DIPK1A: variants seen among roughly 807,000 people sequenced by gnomAD.
The protein encoded by DIPK1A is family with sequence similarity 69 member A.
A neutral mutation model predicts 40.8 loss-of-function variants in DIPK1A; 27 were observed. The ratio of observed to expected loss-of-function variants is 0.66; its 90% CI spans 0.49 to 0.91. The LOEUF is 0.91. Ranked by LOEUF, DIPK1A falls within the 40% of genes least tolerant of loss-of-function variation. The pLI is 0.00. For synonymous variants in DIPK1A, 166 were observed against 171.3 expected (o/e 0.97, Z 0.24); for missense variants, 412 against 505.7 (o/e 0.81, Z 1.78).
intron 1 of DIPK1A, among the ~76,000 whole-genome samples, chr1:92,923,971 T>C (rs1650377295): frequency 6.6e-6 from 1 of 152,244 alleles, no homozygotes; most frequent in Admixed American, 6.5e-5. Flanking sequence ...AAAGTCTATC[T>C]CTAATTGGCT....
chr1:92,942,822 C>A (rs1651208223), intron 1 of DIPK1A, among the ~76,000 whole-genome samples: 2 of 152,048 alleles, frequency 1.3e-5, no homozygotes, highest in South Asian at 4.1e-4. Flanking sequence ...CGCCACCACG[C>A]CCAGCTAATT....
intron 1 of DIPK1A, among the ~76,000 whole-genome samples, chr1:92,940,635 A>G (rs1322408431): frequency 6.6e-6 from 1 of 152,208 alleles, no homozygotes. Flanking sequence ...TGTGGATCCC[A>G]CAAATAATTT....
chr1:92,861,873 G>C (rs1647287630), intron 2 of DIPK1A, among the ~76,000 whole-genome samples: 1 of 152,042 alleles, frequency 6.6e-6, no homozygotes, highest in African/African-American at 2.4e-5. Flanking sequence ...CGACCTCCCT[G>C]GGCTCGGGTG....
chr1:92,960,038 A>G lies in DIPK1A; in HGVS notation c.54+1338T>C, dbSNP rs191154405. On this transcript the variant is annotated intron_variant, in intron 1 of 4. Transcript: ENST00000370310. The stretch of plus-strand genomic sequence containing the variant: ...CCCAAGTGCCGGGATTACACGTGTG[A>G]GCCATCGCGCCTGGCCGGTAAGCTT... 3.0e-3 allele frequency among the ~76,000 whole-genome samples: 448 copies of G among 150,738 alleles called. 1 individual carries two copies. The highest frequency in any genetic ancestry group is 0.014 in the Middle Eastern group (4 of 292).
At position 92,855,739 on chromosome 1, in the gene DIPK1A, C is replaced by G. The variant is rs1471369079; in HGVS notation, c.190-4784G>C. Among the ~76,000 whole-genome samples, 4 of 151,158 alleles carry G rather than the reference C, an allele frequency of 2.6e-5. No individual in the cohort carries two copies. In the Admixed American group the frequency reaches 2.6e-4, roughly 10 times the overall value. On this transcript the variant is annotated intron_variant, in intron 2 of 4. Coordinates refer to ENST00000370310, the MANE Select transcript of DIPK1A (RefSeq NM_001006605.5). ...AACCCAACAATAATGAAAATAAACT[C>G]TCAAAATAAGTAGGAGAAAAGAAAT...
intron 1 of DIPK1A, among the ~76,000 whole-genome samples, chr1:92,930,509 T>C (rs1650701048): frequency 6.6e-6 from 1 of 152,234 alleles, no homozygotes; most frequent in African/African-American, 2.4e-5. Context: ...TCTTCTCATA[T>C]TAACTAAATC....
At chr1:92,859,374 TC>T (rs2100743231) in intron 2 of DIPK1A, among the ~76,000 whole-genome samples, 2 of 152,242 alleles carry the variant, frequency 1.3e-5, no homozygotes, top group South Asian at 4.2e-4. Flanking sequence ...CCTCTCTCTC[TC>T]TCAGCCATTA....
At chr1:92,940,050 G>C (rs1651093060) in intron 1 of DIPK1A, among the ~76,000 whole-genome samples, 1 of 152,128 alleles carries the variant, frequency 6.6e-6, no homozygotes, top group South Asian at 2.1e-4. Flanking sequence ...TGGTGAAATG[G>C]AAGGCTTAAT....
chr1:92,841,104 TTCA>T (rs1158344326), downstream of DIPK1A, among the ~76,000 whole-genome samples: 1 of 152,254 alleles, frequency 6.6e-6, no homozygotes, highest in Non-Finnish European at 1.5e-5. Context: ...ATATTCTATA[TTCA>T]TCATGCTGTG....
intron 1 of DIPK1A, among the ~76,000 whole-genome samples, chr1:92,935,034 T>C (rs1650894689): frequency 6.6e-6 from 1 of 152,238 alleles, no homozygotes; most frequent in Non-Finnish European, 1.5e-5. Context: ...GTGAGAGTTA[T>C]TTACTGAAGA....
intron 4 of DIPK1A, among the ~76,000 whole-genome samples, chr1:92,845,704 C>T (rs978253669): frequency 1.3e-5 from 2 of 151,650 alleles, no homozygotes; most frequent in Non-Finnish European, 2.9e-5. Context: ...GGTGTGGTGG[C>T]GGGTGCCTGT....
chr1:92,958,896 T>C (rs1651948605), intron 1 of DIPK1A, among the ~76,000 whole-genome samples: 1 of 152,206 alleles, frequency 6.6e-6, no homozygotes, highest in Non-Finnish European at 1.5e-5. Context: ...GGCATGATAA[T>C]GGTATTATGA....
chr1:92,879,316 A>G (rs1312068067), intron 1 of DIPK1A, among the ~76,000 whole-genome samples: 1 of 152,226 alleles, frequency 6.6e-6, no homozygotes, highest in Non-Finnish European at 1.5e-5. Flanking sequence ...TGATGATAGT[A>G]AAGGATTATT....
chr1:92,905,449 G>C (rs948355940), intron 1 of DIPK1A, among the ~76,000 whole-genome samples: 5 of 152,092 alleles, frequency 3.3e-5, no homozygotes, highest in African/African-American at 1.2e-4. Context: ...ACATTATTCA[G>C]ATCTTTTGCC....
At chr1:92,863,626 A>G (rs997418335) in intron 2 of DIPK1A, among the ~76,000 whole-genome samples, 1 of 151,802 alleles carries the variant, frequency 6.6e-6, no homozygotes, top group Admixed American at 6.6e-5. Flanking sequence ...ATTTCCTTAG[A>G]ATAGGGTTTA....
chr1:92,839,637 A>G (rs778018237), downstream of DIPK1A, among the ~76,000 whole-genome samples: 7 of 152,204 alleles, frequency 4.6e-5, no homozygotes, highest in Non-Finnish European at 1.0e-4. Context: ...AAGCTATGTC[A>G]GTGTTGTGAC....
chr1:92,886,774 T>C (rs531742926), intron 1 of DIPK1A, among the ~76,000 whole-genome samples: 2 of 152,106 alleles, frequency 1.3e-5, no homozygotes, highest in East Asian at 3.9e-4. Context: ...GGTAAATTAG[T>C]CAGGAGTTGG....
At chr1:92,887,181 G>C (rs1172206286) in intron 1 of DIPK1A, among the ~76,000 whole-genome samples, 1 of 149,446 alleles carries the variant, frequency 6.7e-6, no homozygotes, top group Non-Finnish European at 1.5e-5. Flanking sequence ...ACTTTAGGAG[G>C]CCAAGCAGGA....
intron 1 of DIPK1A, among the ~76,000 whole-genome samples, chr1:92,883,553 T>A (rs1184339486): frequency 6.6e-6 from 1 of 152,212 alleles, no homozygotes; most frequent in Non-Finnish European, 1.5e-5. Context: ...AAGGACTATG[T>A]GGGTTGGATG....
Sources: allele counts gnomAD v4.1 joint callset (sites outside exome capture counted in the v4.1 genomes callset), GRCh38; gene constraint gnomAD v4.1.1; transcripts MANE v1.5; gene names NCBI Gene and HGNC (gene_info 2026-07-23, HGNC 2026-07-21).